The following LRRC47 variants were observed in gnomAD, a reference collection of about 807,000 sequenced individuals.
LRRC47 encodes the protein leucine-rich repeat-containing protein 47.
Under a neutral mutation model 40.9 loss-of-function variants are expected in LRRC47, and 31 were observed. The ratio of observed to expected loss-of-function variants is 0.76; its 90% CI spans 0.57 to 1.02. LRRC47 has a LOEUF of 1.02. Ranked by LOEUF, LRRC47 falls within the 50% of genes least tolerant of loss-of-function variation. The probability of loss-of-function intolerance (pLI) is 0.00; values close to 1 mark genes in which losing one functional copy is unlikely to be tolerated. For synonymous variants in LRRC47, 427 were observed against 371.9 expected, an observed-to-expected ratio of 1.15 and a Z score of -1.70; for missense variants, 726 against 796.1, an observed-to-expected ratio of 0.91 and a Z score of 1.06.
Position 3,792,343 on chromosome 1 carries a change from C to A in LRRC47, c.615+3519G>T, listed in dbSNP as rs553665176. ...ACAGAATGGCCCAGGGGAAAGGGAA[C>A]TTGGCCACCTCTTTTGGGATTTAGA... On this transcript the variant is annotated intron_variant, in intron 1 of 6. Transcript: ENST00000378251. 2.6e-5 allele frequency among the ~76,000 whole-genome samples: 4 copies of A among 152,256 alleles called. No individual in the cohort carries two copies. The South Asian group carries it at 6.2e-4, about 24-fold the overall frequency.
intron 6 of LRRC47, 58 bp downstream of exon 6, chr1:3,781,454 G>A: frequency 6.3e-7 from 1 of 1,582,250 alleles, no homozygotes; most frequent in South Asian, 1.1e-5. Flanking sequence ...GGAAGTCAAG[G>A]AGCAGAGCAC....
intron 1 of LRRC47, among the ~76,000 whole-genome samples, chr1:3,791,274 G>A (rs951142335): frequency 1.3e-5 from 2 of 152,202 alleles, no homozygotes; most frequent in East Asian, 1.9e-4. Flanking sequence ...TCGTGGTTTC[G>A]GAGTCAAGCA....
At chr1:3,784,159 CTCGCCCA>C in intron 3 of LRRC47, 48 bp from the exon 4 acceptor site, 2 of 1,512,062 alleles carry the variant, frequency 1.3e-6, no homozygotes, top group Non-Finnish European at 1.8e-6. Flanking sequence ...AGCCACAGAA[CTCGCCCA>C]TCGTGTCGAT....
chr1:3,788,886 G>T (rs74719912), intron 1 of LRRC47, among the ~76,000 whole-genome samples: 2 of 152,194 alleles, frequency 1.3e-5, no homozygotes, highest in African/African-American at 2.4e-5. Flanking sequence ...CAGCAGTGAC[G>T]CCTGCTGGGG....
rs1261940986 is a variant in LRRC47 at position 3,786,893 on chromosome 1, C to T, written c.1033G>A (p.Asp345Asn). Residue 345 changes from aspartate (D) to asparagine (N), a missense_variant, in exon 2 of 7, where the codon GAC (aspartate) becomes AAC (asparagine). Coordinates refer to ENST00000378251, the MANE Select transcript of LRRC47 (RefSeq NM_020710.3). ...TTGAGTGCATTCCCTGGCTGCAGGT[C>T]CATGCCTCGCACCACGGCCCCCACA... is the stretch of plus-strand genomic sequence containing the variant. ...YIVGAVVRGM[D>N]LQPGNALKRF... is the part of the protein sequence containing the mutation. 2 of 1,604,892 alleles carry T rather than the reference C, an allele frequency of 1.2e-6. No homozygotes were observed. The highest frequency in any genetic ancestry group is 1.7e-6 in the Non-Finnish European group (2 of 1,175,910).
chr1:3,781,714 T>C, intron 5 of LRRC47, 113 bp from the exon 6 acceptor site: 1 of 834,124 alleles, frequency 1.2e-6, no homozygotes. Flanking sequence ...GCACAGTGGC[T>C]CACACCTGTA....
intron 4 of LRRC47, 58 bp downstream of exon 4, chr1:3,783,938 A>C (rs762828724): frequency 7.0e-7 from 1 of 1,421,524 alleles, no homozygotes; most frequent in South Asian, 1.2e-5. Context: ...AACTCAGCTG[A>C]GGCCAGCATG....
chr1:3,791,164 C>T (rs907961130), intron 1 of LRRC47, among the ~76,000 whole-genome samples: 8 of 152,182 alleles, frequency 5.3e-5, no homozygotes, highest in African/African-American at 1.2e-4. Flanking sequence ...AGCACAGCCA[C>T]GCGAGCGACC....
intron 1 of LRRC47, among the ~76,000 whole-genome samples, chr1:3,791,017 TGAA>T (rs1359356031): frequency 1.3e-5 from 2 of 152,114 alleles, no homozygotes; most frequent in Non-Finnish European, 2.9e-5. Flanking sequence ...GGTTGATGCC[TGAA>T]GAAGGGCTGG....
At chr1:3,795,767 G>C in intron 1 of LRRC47, 95 bp downstream of exon 1, 15 of 1,378,222 alleles carry the variant, frequency 1.1e-5, no homozygotes, top group Non-Finnish European at 1.4e-5. Context: ...GTGCCCCAGG[G>C]GGCGTCACTA....
At position 3,779,515 on chromosome 1, in the gene LRRC47, G is replaced by C. The variant is rs1049354707; in HGVS notation, c.*1573C>G. 2.6e-5 allele frequency: 4 copies of C among 152,244 alleles called. No homozygotes were observed. The highest frequency in any genetic ancestry group is 6.5e-5 in the Admixed American group (1 of 15,286). 9.4% of individuals were successfully genotyped at this position (152,244 alleles called of 1,614,324 possible). ...CCGGGAGTGGTGTGCACGCACATGT[G>C]GTGCCTGGACATACACGAAGACACA... On this transcript the variant is annotated 3_prime_UTR_variant, in exon 7 of 7. Coordinates refer to ENST00000378251, the MANE Select transcript of LRRC47 (RefSeq NM_020710.3).
At chr1:3,781,989 A>G (rs925330279) in intron 5 of LRRC47, among the ~76,000 whole-genome samples, 3 of 152,116 alleles carry the variant, frequency 2.0e-5, no homozygotes, top group Non-Finnish European at 2.9e-5. Context: ...CAATCAATCA[A>G]TTAAGCAGAT....
rs760253645 is a variant in LRRC47 at position 3,795,885 on chromosome 1, T to C, written c.592A>G (p.Ile198Val). Residue 198 changes from isoleucine to valine, a missense_variant, in exon 1 of 7, where the codon ATC (isoleucine) becomes GTC (valine). Physicochemically the swap from Ile to Val is conservative, Grantham distance 29. Transcript: ENST00000378251. Reference sequence around the variant, plus strand: ...ACCTTGAGCGAGGCCAGGTGGGCGATGTCGGGGCTGAGTTCTCGGAGGCAG... The same window carrying C: ...ACCTTGAGCGAGGCCAGGTGGGCGACGTCGGGGCTGAGTTCTCGGAGGCAG... ...DNCLRELSPDIAHLASLKTLD... is the reference protein window; with the variant it reads ...DNCLRELSPDVAHLASLKTLD... 6.3e-7 allele frequency: 1 copy of C among 1,592,384 alleles called. No individual in the cohort carries two copies. The highest frequency in any genetic ancestry group is 8.5e-7 in the Non-Finnish European group (1 of 1,174,572).
At chr1:3,791,606 G>A (rs1276416735) in intron 1 of LRRC47, among the ~76,000 whole-genome samples, 3 of 152,074 alleles carry the variant, frequency 2.0e-5, no homozygotes, top group East Asian at 1.9e-4. Flanking sequence ...ACAGGCATGC[G>A]CCACCACGCC....
At chr1:3,794,846 G>C (rs2124615967) in intron 1 of LRRC47, among the ~76,000 whole-genome samples, 1 of 151,818 alleles carries the variant, frequency 6.6e-6, no homozygotes, top group African/African-American at 2.4e-5. Flanking sequence ...CATGAGGTCA[G>C]GAGTTCGAGA....
At chr1:3,790,974 G>A (rs1459263321) in intron 1 of LRRC47, among the ~76,000 whole-genome samples, 1 of 152,204 alleles carries the variant, frequency 6.6e-6, no homozygotes, top group South Asian at 2.1e-4. Flanking sequence ...GTTAACCCAC[G>A]GAACGCAGGA....
intron 1 of LRRC47, among the ~76,000 whole-genome samples, chr1:3,794,830 G>A (rs185010794): frequency 6.6e-6 from 1 of 151,620 alleles, no homozygotes; most frequent in African/African-American, 2.4e-5. Flanking sequence ...CGAGACAGGC[G>A]GATCACATGA....
rs371642040 is a variant in LRRC47, at chr1:3,781,106, G to A, written c.1734C>T (p.His578=). 9 of 1,613,858 alleles carry A rather than the reference G, an allele frequency of 5.6e-6. No individual in the cohort carries two copies. The highest frequency in any genetic ancestry group is 3.3e-5 in the South Asian group (3 of 91,086). The change falls in exon 7 of 7, where the codon CAC becomes CAT. Residue 578 remains histidine, a synonymous_variant. Coordinates refer to ENST00000378251, the MANE Select transcript of LRRC47 (RefSeq NM_020710.3). ...SKADLATAPP[H]VTVVR ...CCTGGCGTCAGCGCACGACAGTCAC[G>A]TGGGGAGGGGCAGTGGCCAGGTCGG...
intron 1 of LRRC47, among the ~76,000 whole-genome samples, chr1:3,793,384 C>T (rs1481088578): frequency 2.0e-5 from 3 of 152,308 alleles, no homozygotes; most frequent in East Asian, 1.9e-4. Flanking sequence ...GGAGCCACCG[C>T]GCCTGGCCCT....
Sources: allele counts gnomAD v4.1 joint callset (sites outside exome capture counted in the v4.1 genomes callset), GRCh38; gene constraint gnomAD v4.1.1; transcripts MANE v1.5; gene names NCBI Gene and HGNC (gene_info 2026-07-23, HGNC 2026-07-21).